The following NLRP9 variants were observed in gnomAD, a reference collection of about 807,000 sequenced individuals.
NLRP9 encodes NLR family pyrin domain containing 9.
NLRP9 carries 88 observed loss-of-function variants against 83.1 expected under a neutral mutation model. The ratio of observed to expected loss-of-function variants is 1.06; its 90% CI spans 0.89 to 1.26. The LOEUF is 1.26. Among genes scored for constraint, NLRP9 ranks in the 50% most tolerant of loss-of-function variants. NLRP9 has a pLI of 0.00. For synonymous variants in NLRP9, 521 were observed against 447.6 expected (o/e 1.16, Z -2.07); for missense variants, 1,308 against 1,179.3 (o/e 1.11, Z -1.60).
intron 1 of NLRP9, chr19:55,737,734 TAAAAA>T (rs57736610): frequency 0.015 from 1,174 of 80,192 alleles, 11 homozygotes; most frequent in South Asian, 0.04. Context: ...ACCCTTTCTC[TAAAAA>T]AAAAAAAAAA....
rs1198355682 is a variant in NLRP9 at position 55,732,371 on chromosome 19, A to T, written c.1460T>A (p.Leu487His). 14 of 1,614,174 alleles carry T rather than the reference A, an allele frequency of 8.7e-6. No individual in the cohort carries two copies. Among genetic ancestry groups the T allele is most frequent in the Non-Finnish European group, 1.2e-5 (14 of 1,180,022 alleles). Residue 487 changes from leucine to histidine, a missense_variant, in exon 2 of 9, where the codon CTC becomes CAC. Transcript: ENST00000332836. ...VRASVVQPQT[L>H]LTQVGIFMFG... ...CATGAATATCCCCACCTGGGTCAAGAGGGTTTGAGGCTGAACCACACTTGC... is the reference window on the plus strand; with the variant it reads ...CATGAATATCCCCACCTGGGTCAAGTGGGTTTGAGGCTGAACCACACTTGC...
chr19:55,711,740 G>A (rs567753998), intron 8 of NLRP9, 60 bp downstream of exon 8: 1 of 1,533,080 alleles, frequency 6.5e-7, no homozygotes, highest in African/African-American at 1.4e-5. Context: ...TTGAGCAAAT[G>A]GCCAATGAAC....
In NLRP9 at chr19:55,732,549, A is replaced by C. The variant is rs763875936; in HGVS notation, c.1282T>G (p.Trp428Gly). Residue 428 changes from tryptophan to glycine, a missense_variant, in exon 2 of 9, where the codon TGG (tryptophan) becomes GGG (glycine). Coordinates refer to ENST00000332836, the MANE Select transcript of NLRP9 (RefSeq NM_176820.4). ...CTTTGGAGGAGTCTCATACCCACCC[A>C]CATCACGCCCTCAGACTCAGATAAC... Reference protein sequence around the residue: ...NGLSESEGVMWVGMRLLQRRG... With the variant: ...NGLSESEGVMGVGMRLLQRRG... The C allele has an allele frequency of 1.2e-6, 2 of 1,614,200 alleles. No homozygotes were observed. Among genetic ancestry groups the C allele is most frequent in the Non-Finnish European group, 1.7e-6 (2 of 1,180,034 alleles).
chr19:55,732,532 G>A lies in NLRP9; in HGVS notation c.1299C>T (p.Leu433=). 1.2e-6 allele frequency: 2 copies of A among 1,614,194 alleles called. No individual in the cohort carries two copies. The highest frequency in any genetic ancestry group is 2.2e-5 in the East Asian group (1 of 44,880). ...SEGVMWVGMR[L]LQRRGDCFAF... ...CAAAACAGTCCCCTCTCCTTTGGAG[G>A]AGTCTCATACCCACCCACATCACGC... The change falls in exon 2 of 9, where the codon CTC becomes CTT. Residue 433 remains leucine (L), a synonymous_variant. Coordinates refer to ENST00000332836, the MANE Select transcript of NLRP9 (RefSeq NM_176820.4).
chr19:55,725,566 T>C (rs1405074657), intron 3 of NLRP9, among the ~76,000 whole-genome samples: 1 of 152,126 alleles, frequency 6.6e-6, no homozygotes, highest in African/African-American at 2.4e-5. Context: ...CTGTGCGGAC[T>C]GCGGGCGGAG....
At position 55,732,279 on chromosome 19, in the gene NLRP9, C is replaced by G; in HGVS notation, c.1552G>C (p.Asp518His). 6.2e-7 allele frequency: 1 copy of G among 1,614,166 alleles called. No homozygotes were observed. The highest frequency in any genetic ancestry group is 8.5e-7 in the Non-Finnish European group (1 of 1,180,022). The change falls in exon 2 of 9, where the codon GAC becomes CAC. Residue 518 changes from aspartate to histidine, a missense_variant. Asp to His is a moderately conservative substitution (Grantham distance 81). Coordinates refer to ENST00000332836, the MANE Select transcript of NLRP9 (RefSeq NM_176820.4). ...CATTGGGTTATTTCCTGCTTTAGGT[C>G]TTTTGACAGTGGAAAACCAAAGGAG... Reference protein sequence around the residue: ...ETSFGFPLSKDLKQEITQCLE... With the variant: ...ETSFGFPLSKHLKQEITQCLE...
At position 55,712,006 on chromosome 19, in the gene NLRP9, G is replaced by C. The variant is rs555192676; in HGVS notation, c.2673-36C>G. 1.3e-5 allele frequency: 21 copies of C among 1,599,790 alleles called. 1 individual carries two copies. The South Asian group carries it at 2.3e-4, about 18-fold the overall frequency. On this transcript the variant is annotated intron_variant, in intron 7 of 8. Coordinates refer to ENST00000332836, the MANE Select transcript of NLRP9 (RefSeq NM_176820.4). ...GAAACACACCAGAGAATCCACTCTA[G>C]CTTTGGGTAGGCTGGAAGGCACGCC...
intron 4 of NLRP9, among the ~76,000 whole-genome samples, chr19:55,721,575 G>A (rs557652511): frequency 6.6e-6 from 1 of 152,086 alleles, no homozygotes; most frequent in African/African-American, 2.4e-5. Context: ...GCACTCAGTA[G>A]TCCAGTACTA....
At chr19:55,727,943 G>C (rs1026078002) in intron 3 of NLRP9, among the ~76,000 whole-genome samples, 1 of 152,114 alleles carries the variant, frequency 6.6e-6, no homozygotes, top group African/African-American at 2.4e-5. Flanking sequence ...AAACCACCAA[G>C]GGGAAAAGGA....
At chr19:55,723,868 CAA>C (rs1465661066) in intron 4 of NLRP9, 110 bp downstream of exon 4, 9 of 779,692 alleles carry the variant, frequency 1.2e-5, no homozygotes, top group Non-Finnish European at 1.9e-5. Flanking sequence ...AGATGAAAAA[CAA>C]GAGAGATGAA....
At chr19:55,726,452 A>C (rs1385718353) in intron 3 of NLRP9, among the ~76,000 whole-genome samples, 1 of 152,188 alleles carries the variant, frequency 6.6e-6, no homozygotes, top group Non-Finnish European at 1.5e-5. Flanking sequence ...TCATTCCTTC[A>C]ACTTTGAGTC....
intron 3 of NLRP9, among the ~76,000 whole-genome samples, chr19:55,725,843 A>G (rs1568600300): frequency 6.6e-6 from 1 of 152,074 alleles, no homozygotes; most frequent in African/African-American, 2.4e-5. Flanking sequence ...CCTGGGCAAC[A>G]TGATGAAACC....
chr19:55,733,964 C>A (rs1276055705), intron 1 of NLRP9, among the ~76,000 whole-genome samples: 2 of 134,854 alleles, frequency 1.5e-5, no homozygotes, highest in African/African-American at 6.6e-5. Context: ...GCTCTGTCGC[C>A]CAGGCTGGAG....
chr19:55,723,647 G>A (rs1263511494), intron 4 of NLRP9, among the ~76,000 whole-genome samples: 2 of 148,336 alleles, frequency 1.3e-5, no homozygotes. Context: ...AGGATTGCTT[G>A]AACCCGGGAA....
chr19:55,709,411 G>A, intron 8 of NLRP9: 1 of 155,176 alleles, frequency 6.4e-6, no homozygotes, highest in Non-Finnish European at 1.4e-5. Flanking sequence ...TTTTCTCAGA[G>A]ACACTAATAT....
At chr19:55,733,589 G>A (rs1187073950) in intron 1 of NLRP9, 39 bp from the exon 2 acceptor site, 1 of 1,160,068 alleles carries the variant, frequency 8.6e-7, no homozygotes, top group Non-Finnish European at 1.2e-6. Context: ...AGGTAAAAAT[G>A]CACTCATTCT....
At chr19:55,734,635 ATATTT>A (rs1236928536) in intron 1 of NLRP9, among the ~76,000 whole-genome samples, 2,442 of 120,018 alleles carry the variant, frequency 0.02, 23 homozygotes, top group Non-Finnish European at 0.025. Flanking sequence ...ATATATATAT[ATATTT>A]TTTTTTTTTT....
rs765779528 is a variant in NLRP9 at position 55,733,919 on chromosome 19, A to ATTTTTTTTTTTTT, written c.281-382_281-370dup. Among the ~76,000 whole-genome samples the ATTTTTTTTTTTTT allele has an allele frequency of 9.5e-4, 112 of 117,858 alleles. 11 individuals carry two copies. Among genetic ancestry groups the ATTTTTTTTTTTTT allele is most frequent in the African/African-American group, 3.8e-3 (107 of 27,904 alleles). The allele number at this position is 117,858 out of a possible 152,430, so 77.3% of individuals were successfully genotyped here. On this transcript the variant is annotated intron_variant, in intron 1 of 8. Coordinates refer to ENST00000332836, the MANE Select transcript of NLRP9 (RefSeq NM_176820.4). ...ATAAACTCAACCAGTTGTCAACCAA[A>ATTTTTTTTTTTTT]TTTTTTTTTTTTTTTTTTTTTGAGA...
rs1988644163 is a variant in NLRP9 at position 55,733,077 on chromosome 19, G to T, written c.754C>A (p.Pro252Thr). The T allele has an allele frequency of 6.2e-7, 1 of 1,613,824 alleles. No homozygotes were observed. The highest frequency in any genetic ancestry group is 8.5e-7 in the Non-Finnish European group (1 of 1,179,872). ...DLSDDWRQRQ[P>T]MPIILSSLLQ... ...AAACTGCTCAGGATAATTGGCATTG[G>T]CTGCCGCTGCCTCCAATCATCGCTC... Residue 252 changes from proline to threonine, a missense_variant, in exon 2 of 9, where the codon CCA becomes ACA. Pro to Thr is a conservative substitution (Grantham distance 38, BLOSUM62 -1). Transcript: ENST00000332836.
Sources: gnomAD v4.1 joint callset for allele counts (sites outside exome capture counted in the v4.1 genomes callset) on GRCh38, gnomAD v4.1.1 for gene constraint, MANE v1.5 for transcripts, NCBI Gene and HGNC (gene_info 2026-07-23, HGNC 2026-07-21) for gene names.